Variants in TXNL4A observed in about 807,000 individuals in gnomAD.
TXNL4A encodes thioredoxin-like protein 4A.
Under a neutral mutation model 14.6 loss-of-function variants are expected in TXNL4A, and 17 were observed. The observed-to-expected ratio is 1.16, with a 90% CI of 0.80 to 1.74. The LOEUF is 1.74. TXNL4A is among the 40% of genes most tolerant of loss of function. The pLI, the probability that TXNL4A is intolerant of heterozygous loss-of-function variation, is 0.00. For missense variants in TXNL4A, 74 were observed against 195.2 expected (o/e 0.38, Z 3.70); for synonymous variants, 83 against 70.6 (o/e 1.18, Z -0.88).
intron 1 of TXNL4A, among the ~76,000 whole-genome samples, chr18:79,997,356 T>G (rs2051669749): frequency 6.6e-6 from 1 of 151,460 alleles, no homozygotes; most frequent in South Asian, 2.1e-4. Context: ...CACAAGCCCC[T>G]GCAACAGCCC....
intron 1 of TXNL4A, among the ~76,000 whole-genome samples, chr18:79,983,984 C>T (rs909394022): frequency 2.6e-5 from 4 of 152,056 alleles, no homozygotes; most frequent in Non-Finnish European, 5.9e-5. Flanking sequence ...AGAGTCTGCA[C>T]CCTCAACCGC....
chr18:80,028,480 C>A (rs1229955641), intron 1 of TXNL4A, among the ~76,000 whole-genome samples: 9 of 152,124 alleles, frequency 5.9e-5, no homozygotes, highest in African/African-American at 2.2e-4. Context: ...CAAGACCCCT[C>A]ATGACTGTGT....
At chr18:80,004,992 A>G (rs1310032071) in intron 1 of TXNL4A, among the ~76,000 whole-genome samples, 1 of 152,264 alleles carries the variant, frequency 6.6e-6, no homozygotes, top group Non-Finnish European at 1.5e-5. Flanking sequence ...AGACATAGCT[A>G]AAGAGCTGCA....
upstream of TXNL4A, among the ~76,000 whole-genome samples, chr18:79,989,114 C>T (rs2051604530): frequency 1.3e-5 from 2 of 152,178 alleles, no homozygotes; most frequent in African/African-American, 4.8e-5. Context: ...TAACCTGAAA[C>T]CAGGTTTTTT....
chr18:79,992,019 A>G (rs930393050), upstream of TXNL4A, among the ~76,000 whole-genome samples: 7 of 152,224 alleles, frequency 4.6e-5, no homozygotes, highest in Admixed American at 1.3e-4. Flanking sequence ...GAAGACTCAA[A>G]GCGGGAAGGG....
intron 1 of TXNL4A, among the ~76,000 whole-genome samples, chr18:79,987,240 C>G (rs1163217587): frequency 6.6e-6 from 1 of 152,230 alleles, no homozygotes; most frequent in African/African-American, 2.4e-5. Context: ...ACAACAGTTC[C>G]TAACTTCATG....
upstream of TXNL4A, among the ~76,000 whole-genome samples, chr18:79,992,558 G>T (rs187402934): frequency 1.6e-4 from 25 of 152,200 alleles, no homozygotes; most frequent in Middle Eastern, 3.4e-3. Flanking sequence ...GTTAAGCTGG[G>T]AACTGGGTCA....
At chr18:79,975,474 T>G (rs2051364993) in intron 2 of TXNL4A, among the ~76,000 whole-genome samples, 1 of 152,250 alleles carries the variant, frequency 6.6e-6, no homozygotes, top group Non-Finnish European at 1.5e-5. Context: ...GGCTGTTGCC[T>G]GCAGCCTCCT....
intron 1 of TXNL4A, among the ~76,000 whole-genome samples, chr18:80,013,259 A>T (rs2051784159): frequency 6.6e-6 from 1 of 151,094 alleles, no homozygotes; most frequent in African/African-American, 2.4e-5. Context: ...AGTAGCTGGG[A>T]CTATAGGTGC....
In TXNL4A at chr18:80,030,963, T is replaced by C. The variant is rs963667893; in HGVS notation, c.-61+2888A>G. 3.3e-5 allele frequency among the ~76,000 whole-genome samples: 5 copies of C among 152,272 alleles called. No homozygotes were observed. The South Asian group carries it at 1.0e-3, about 32-fold the overall frequency. On this transcript the variant is annotated intron_variant, in intron 1 of 2. Transcript: ENST00000585474. ...GCCTGGGCGATGGAGTGAGATTCCATGTCAAAATAAATGAACAAATAAAAA... is the reference window on the plus strand; with the variant it reads ...GCCTGGGCGATGGAGTGAGATTCCACGTCAAAATAAATGAACAAATAAAAA...
intron 1 of TXNL4A, among the ~76,000 whole-genome samples, chr18:80,009,809 C>T (rs766436075): frequency 7.2e-5 from 11 of 152,258 alleles, no homozygotes; most frequent in East Asian, 1.9e-4. Flanking sequence ...CATGGTGTCC[C>T]GCCAGAGCTT....
intron 1 of TXNL4A, among the ~76,000 whole-genome samples, chr18:80,000,842 C>T (rs1033051379): frequency 1.1e-4 from 17 of 152,042 alleles, no homozygotes; most frequent in African/African-American, 2.2e-4. Flanking sequence ...TTAGTAGAGA[C>T]GGGGTTTCAC....
intron 1 of TXNL4A, among the ~76,000 whole-genome samples, chr18:79,985,287 G>A (rs944800576): frequency 3.3e-5 from 5 of 151,914 alleles, no homozygotes; most frequent in African/African-American, 7.3e-5. Context: ...ACAGGGTCTC[G>A]CTCTGTCACC....
intron 1 of TXNL4A, chr18:79,986,014 T>C (rs1055250495): frequency 6.6e-6 from 1 of 151,650 alleles, no homozygotes; most frequent in African/African-American, 2.4e-5. Context: ...AAAACATGAA[T>C]ATTCTTTTAA....
At chr18:80,009,272 C>T (rs1350896740) in intron 1 of TXNL4A, among the ~76,000 whole-genome samples, 3 of 152,144 alleles carry the variant, frequency 2.0e-5, no homozygotes, top group Non-Finnish European at 4.4e-5. Context: ...GAGGAAAGTG[C>T]GGACAGCAGT....
intron 1 of TXNL4A, among the ~76,000 whole-genome samples, chr18:80,023,104 A>T (rs1302870999): frequency 6.6e-6 from 1 of 152,234 alleles, no homozygotes; most frequent in Non-Finnish European, 1.5e-5. Flanking sequence ...ATTAACTTTC[A>T]AACACAAAAT....
At chr18:79,991,957 A>C (rs191243974), upstream of TXNL4A, among the ~76,000 whole-genome samples, 25 of 152,358 alleles carry the variant, frequency 1.6e-4, 1 homozygote, top group East Asian at 4.8e-3. Context: ...AATATATGTA[A>C]GAAGAACATT....
In TXNL4A at chr18:79,993,629, G is replaced by A. The variant is rs1168278303; in HGVS notation, c.-60-15928C>T. Among the ~76,000 whole-genome samples the A allele has an allele frequency of 2.6e-5, 4 of 152,180 alleles. No individual in the cohort carries two copies. The East Asian group carries it at 7.7e-4, about 29-fold the overall frequency. On this transcript the variant is annotated intron_variant, in intron 1 of 2. Transcript: ENST00000585474. The surrounding 1 kb of genome is among the most constrained non-coding windows in gnomAD (Gnocchi z 4.4). ...TTGGGTTGTGTGTGTTGGGTTGTGT[G>A]TGTGTTTCAGTCCTTTCAGCTACCG...
chr18:80,026,722 C>T (rs188201439), intron 1 of TXNL4A, among the ~76,000 whole-genome samples: 13 of 137,974 alleles, frequency 9.4e-5, no homozygotes, highest in Non-Finnish European at 1.9e-4. Flanking sequence ...CTAAGTGTGA[C>T]GTGCTCAGCA....
Sources: allele counts gnomAD v4.1 joint callset (sites outside exome capture counted in the v4.1 genomes callset), GRCh38; gene constraint gnomAD v4.1.1; non-coding constraint Gnocchi (gnomAD v3.1); transcripts MANE v1.5; gene names NCBI Gene and HGNC (gene_info 2026-07-23, HGNC 2026-07-21).